Variants in CDH20 observed in about 807,000 individuals in gnomAD.
CDH20 encodes cadherin 20, also known as cadherin-20.
In CDH20, 29 loss-of-function variants were observed where a neutral mutation model predicts 74.2. The observed-to-expected ratio is 0.39, with a 90% CI of 0.29 to 0.53. The LOEUF is 0.53. CDH20 is among the 20% of genes least tolerant of loss of function. The pLI, the probability that CDH20 is intolerant of heterozygous loss-of-function variation, is 0.69. For synonymous variants in CDH20, 469 were observed against 405.4 expected (o/e 1.16, Z -1.88); for missense variants, 988 against 1,048.3 (o/e 0.94, Z 0.79).
intron 1 of CDH20, among the ~76,000 whole-genome samples, chr18:61,408,673 C>T (rs1290537622): frequency 6.6e-6 from 1 of 152,044 alleles, no homozygotes; most frequent in Non-Finnish European, 1.5e-5. Flanking sequence ...TTTTTCTTTT[C>T]CTCCTCTCAC....
At position 61,411,185 on chromosome 18, in the gene CDH20, A is replaced by G. The variant is rs537682264; in HGVS notation, c.-153+77358A>G. ...TGCACTCCCGCCTGGGTGACAGAGC[A>G]AGACTCTGTCTGAAAAAAAAAAAAA... On this transcript the variant is annotated intron_variant, in intron 1 of 11. Transcript: ENST00000262717. Among the ~76,000 whole-genome samples, 54 of 124,990 alleles carry G rather than the reference A, an allele frequency of 4.3e-4. 1 individual carries two copies. In the East Asian group the frequency reaches 8.5e-3, roughly 20 times the overall value. The allele number at this position is 124,990 out of a possible 152,430, so 82.0% of individuals were successfully genotyped here.
intron 6 of CDH20, among the ~76,000 whole-genome samples, chr18:61,525,964 A>ATT (rs1006282537): frequency 0.084 from 7,104 of 84,300 alleles, 475 homozygotes; most frequent in African/African-American, 0.14. Flanking sequence ...CACCCAGCTA[A>ATT]TTTTTTTTTT....
Position 61,507,359 on chromosome 18 carries a change from G to T in CDH20, c.830-14G>T, listed in dbSNP as rs769761755. ...CGGATTATCAAGAATGCGTGTCCTG[G>T]CTTTTCTTCGTAGAACATTACCAGA... On this transcript the variant is annotated splice_polypyrimidine_tract_variant and intron_variant, in intron 5 of 11. Transcript: ENST00000262717. 11 of 1,608,126 alleles carry T rather than the reference G, an allele frequency of 6.8e-6. No homozygotes were observed. In the South Asian group the frequency reaches 1.2e-4, roughly 18 times the overall value.
At position 61,490,601 on chromosome 18, in the gene CDH20, T is replaced by C; in HGVS notation, c.48T>C (p.Leu16=). The part of the protein sequence containing the change: ...RMSNAKNWLG[L]GMSLYFWGLM... ...GCAATGCAAAGAACTGGCTTGGACT[T>C]GGCATGTCCTTGTACTTCTGGGGGC... The change falls in exon 2 of 12, where the codon CTT becomes CTC. Residue 16 remains leucine (L), a synonymous_variant. Coordinates refer to ENST00000262717, the MANE Select transcript of CDH20 (RefSeq NM_031891.4). The C allele has an allele frequency of 6.2e-7, 1 of 1,614,170 alleles. No homozygotes were observed. Among genetic ancestry groups the C allele is most frequent in the South Asian group, 1.1e-5 (1 of 91,080 alleles).
intron 6 of CDH20, among the ~76,000 whole-genome samples, chr18:61,524,613 A>G (rs1225269624): frequency 6.6e-6 from 1 of 152,176 alleles, no homozygotes; most frequent in Non-Finnish European, 1.5e-5. Flanking sequence ...TACTACGTGG[A>G]AATAAAAAAA....
chr18:61,530,245 A>G (rs1048107188), intron 7 of CDH20, among the ~76,000 whole-genome samples: 1 of 152,198 alleles, frequency 6.6e-6, no homozygotes, highest in African/African-American at 2.4e-5. Flanking sequence ...CAAGAAGAAC[A>G]CTGGGGGTCC....
At chr18:61,389,602 A>G (rs1462054970) in intron 1 of CDH20, among the ~76,000 whole-genome samples, 1 of 152,222 alleles carries the variant, frequency 6.6e-6, no homozygotes, top group Admixed American at 6.5e-5. Context: ...TCAGTTTCCA[A>G]CAAAGAAGTT....
chr18:61,467,979 A>G (rs1451798141), intron 1 of CDH20, among the ~76,000 whole-genome samples: 1 of 152,186 alleles, frequency 6.6e-6, no homozygotes, highest in Admixed American at 6.5e-5. Flanking sequence ...GCTTCGTTTT[A>G]CAGGTGTGGA....
chr18:61,372,609 T>C (rs1196302269), intron 1 of CDH20, among the ~76,000 whole-genome samples: 1 of 152,134 alleles, frequency 6.6e-6, no homozygotes, highest in Non-Finnish European at 1.5e-5. Context: ...CATCTTTAAA[T>C]GGTTGGGAAA....
chr18:61,378,670 G>A (rs531208950), intron 1 of CDH20, among the ~76,000 whole-genome samples: 2 of 152,300 alleles, frequency 1.3e-5, no homozygotes, highest in Non-Finnish European at 2.9e-5. Flanking sequence ...TCAAGTTGAC[G>A]TAAAATTAAC....
In CDH20 at chr18:61,353,792, T is replaced by C. The variant is rs2144118220; in HGVS notation, c.-153+19965T>C. Among the ~76,000 whole-genome samples the C allele has an allele frequency of 6.6e-6, 1 of 152,166 alleles. No individual in the cohort carries two copies. Among genetic ancestry groups the C allele is most frequent in the Non-Finnish European group, 1.5e-5 (1 of 67,994 alleles). On this transcript the variant is annotated intron_variant, in intron 1 of 11. Coordinates refer to ENST00000262717, the MANE Select transcript of CDH20 (RefSeq NM_031891.4). The surrounding 1 kb of genome is among the most constrained non-coding windows in gnomAD (Gnocchi z 4.6). Reference sequence around the variant, plus strand: ...GTTAATAAAAGTTAAAAAAAATCTTTCAGTTCCAGCCAGTCATGGTGGCTC... The same window carrying C: ...GTTAATAAAAGTTAAAAAAAATCTTCCAGTTCCAGCCAGTCATGGTGGCTC...
chr18:61,496,835 A>G (rs1203507577), intron 2 of CDH20, among the ~76,000 whole-genome samples: 1 of 152,214 alleles, frequency 6.6e-6, no homozygotes, highest in Non-Finnish European at 1.5e-5. Flanking sequence ...GCCACATGCC[A>G]TAAAATTACA....
At chr18:61,550,305 C>G in intron 11 of CDH20, 76 bp downstream of exon 11, 1 of 1,525,040 alleles carries the variant, frequency 6.6e-7, no homozygotes, top group South Asian at 1.2e-5. Flanking sequence ...ACCTTCCTGA[C>G]ACAGCTATTC....
chr18:61,554,674 G>A lies in CDH20; in HGVS notation c.2385G>A (p.Glu795=). 1 of 1,581,506 alleles carries A rather than the reference G, an allele frequency of 6.3e-7. No individual in the cohort carries two copies. Among genetic ancestry groups the A allele is most frequent in the Non-Finnish European group, 8.6e-7 (1 of 1,164,010 alleles). Residue 795 remains glutamate, a synonymous_variant, in exon 12 of 12, where the codon GAG becomes GAA. Coordinates refer to ENST00000262717, the MANE Select transcript of CDH20 (RefSeq NM_031891.4). ...RKLAELYGAS[E]GPAPLW is the part of the protein sequence containing the mutation. ...TGGCCGAGCTCTACGGGGCGTCGGA[G>A]GGACCCGCGCCGCTGTGGTGACGGA...
In CDH20 at chr18:61,461,316, A is replaced by T. The variant is rs369944544; in HGVS notation, c.-152-29086A>T. Among the ~76,000 whole-genome samples the T allele has an allele frequency of 1.3e-3, 194 of 144,412 alleles. 1 individual carries two copies. Among genetic ancestry groups the T allele is most frequent in the African/African-American group, 5.0e-3 (184 of 36,694 alleles). The allele number at this position is 144,412 out of a possible 152,430, so 94.7% of individuals were successfully genotyped here. A position where few individuals can be genotyped will look rare whatever the true frequency, so the allele number is the denominator to read the frequency against. On this transcript the variant is annotated intron_variant, in intron 1 of 11. Transcript: ENST00000262717. ...TAAGTTGACGTAACAAAGTACCACA[A>T]GCTGGGTGACTTAAAAAAAAAAAAA...
chr18:61,424,963 T>C (rs111466024), intron 1 of CDH20, among the ~76,000 whole-genome samples: 2 of 152,234 alleles, frequency 1.3e-5, no homozygotes, highest in African/African-American at 4.8e-5. Flanking sequence ...TTCTAAAATG[T>C]CTCTCATTAC....
intron 1 of CDH20, among the ~76,000 whole-genome samples, chr18:61,347,964 A>C (rs1394761565): frequency 1.3e-5 from 2 of 152,186 alleles, no homozygotes; most frequent in Non-Finnish European, 1.5e-5. Flanking sequence ...TAGTTTTATT[A>C]GTTGATAATT....
chr18:61,429,095 C>T (rs988439399), intron 1 of CDH20, among the ~76,000 whole-genome samples: 1 of 152,054 alleles, frequency 6.6e-6, no homozygotes, highest in African/African-American at 2.4e-5. Context: ...GGGGTTTTAT[C>T]GAATTTCTGA....
chr18:61,405,715 T>A (rs1194648696), intron 1 of CDH20, among the ~76,000 whole-genome samples: 7 of 152,206 alleles, frequency 4.6e-5, no homozygotes, highest in Non-Finnish European at 1.0e-4. Context: ...AGCAGTATCA[T>A]TTGGGAACTT....
Sources: allele counts gnomAD v4.1 joint callset (sites outside exome capture counted in the v4.1 genomes callset), GRCh38; gene constraint gnomAD v4.1.1; non-coding constraint Gnocchi (gnomAD v3.1); transcripts MANE v1.5; gene names NCBI Gene and HGNC (gene_info 2026-07-23, HGNC 2026-07-21).